RYR3: variants seen among roughly 807,000 people sequenced by gnomAD.
RYR3 encodes the protein brain ryanodine receptor-calcium release channel.
In RYR3, 207 loss-of-function variants were observed where a neutral mutation model predicts 584.3. The ratio of observed to expected loss-of-function variants is 0.35; its 90% CI spans 0.32 to 0.40. The LOEUF is 0.40. Ranked by LOEUF, RYR3 falls within the 10% of genes least tolerant of loss-of-function variation. The probability of loss-of-function intolerance (pLI) is 1.00; values close to 1 mark genes in which losing one functional copy is unlikely to be tolerated. For missense variants in RYR3, 5,616 were observed against 6,089.2 expected (o/e 0.92, Z 2.59); for synonymous variants, 2,416 against 2,248.5 (o/e 1.07, Z -2.11).
chr15:33,315,303 C>T (rs890603755), intron 1 of RYR3, among the ~76,000 whole-genome samples: 1 of 152,188 alleles, frequency 6.6e-6, no homozygotes, highest in Non-Finnish European at 1.5e-5. Context: ...CTTCTCTCTG[C>T]GGCAGGGCCC....
chr15:33,336,453 AG>A (rs1567046399), intron 1 of RYR3, among the ~76,000 whole-genome samples: 1,005 of 20,124 alleles, frequency 0.05, 216 homozygotes, highest in Non-Finnish European at 0.064. Context: ...AGAGAGAGAG[AG>A]AGAGAGAGAG....
In RYR3 at chr15:33,838,073, C is replaced by T. The variant is rs2078150241; in HGVS notation, c.12093C>T (p.Arg4031=). Reference sequence around the variant, plus strand: ...ATTACTTCGAACCCTACCTAGGACGCATCGAGATCATGGGTGGGGCCAAGA... The same window carrying T: ...ATTACTTCGAACCCTACCTAGGACGTATCGAGATCATGGGTGGGGCCAAGA... ...VLNYFEPYLG[R]IEIMGGAKKI... is the part of the protein sequence containing the mutation. Residue 4031 remains arginine, a synonymous_variant, in exon 89 of 104, where the codon CGC becomes CGT. Transcript: ENST00000634891. The T allele has an allele frequency of 6.2e-7, 1 of 1,613,850 alleles. No homozygotes were observed. Among genetic ancestry groups the T allele is most frequent in the Admixed American group, 1.7e-5 (1 of 59,986 alleles).
At chr15:33,723,069 T>C (rs1207165216) in intron 44 of RYR3, among the ~76,000 whole-genome samples, 174 bp downstream of exon 44, 1 of 152,246 alleles carries the variant, frequency 6.6e-6, no homozygotes, top group Non-Finnish European at 1.5e-5. Flanking sequence ...GTAAGGCTAG[T>C]GATCAGCATC....
intron 3 of RYR3, among the ~76,000 whole-genome samples, chr15:33,521,449 CAA>C (rs1304140300): frequency 6.6e-6 from 1 of 152,056 alleles, no homozygotes; most frequent in African/African-American, 2.4e-5. Context: ...TAGGCACTTC[CAA>C]GAGAGAGGGT....
chr15:33,810,231 G>T (rs888693282), intron 70 of RYR3, among the ~76,000 whole-genome samples: 1 of 152,202 alleles, frequency 6.6e-6, no homozygotes. Flanking sequence ...AATAGGCGTC[G>T]GTGATGTGTG....
chr15:33,346,035 G>A (rs1430944380), intron 1 of RYR3, among the ~76,000 whole-genome samples: 2 of 152,070 alleles, frequency 1.3e-5, no homozygotes, highest in Non-Finnish European at 1.5e-5. Context: ...GGCTTATACA[G>A]CATTTCATTG....
At chr15:33,732,317 C>T (rs1335961106) in intron 48 of RYR3, among the ~76,000 whole-genome samples, 1 of 147,748 alleles carries the variant, frequency 6.8e-6, no homozygotes, top group East Asian at 2.1e-4. Flanking sequence ...GAACCTGGGA[C>T]GTGGAGCTTG....
chr15:33,764,672 T>A (rs1052119226), intron 60 of RYR3, among the ~76,000 whole-genome samples: 7 of 151,984 alleles, frequency 4.6e-5, no homozygotes, highest in Admixed American at 3.3e-4. Context: ...CGTAACACTG[T>A]GAATAAACAG....
In RYR3 at chr15:33,840,897, A is replaced by G. The variant is rs776883690; in HGVS notation, c.13037+14A>G. ...CGAGAAGGCAGAGTAAGTTCTTGGT[A>G]GCATCAACTACTCTCATTGCTATGG... On this transcript the variant is annotated intron_variant, in intron 90 of 103. Transcript: ENST00000634891. The G allele has an allele frequency of 6.2e-7, 1 of 1,611,762 alleles. No individual in the cohort carries two copies. The highest frequency in any genetic ancestry group is 1.7e-5 in the Admixed American group (1 of 59,964).
intron 75 of RYR3, among the ~76,000 whole-genome samples, chr15:33,817,519 A>G (rs1437286450): frequency 3.3e-5 from 5 of 152,168 alleles, no homozygotes; most frequent in Non-Finnish European, 7.3e-5. Flanking sequence ...CTCTTTGGCC[A>G]GCCCTGTGGT....
chr15:33,686,167 A>C (rs1357254259), intron 38 of RYR3, among the ~76,000 whole-genome samples: 2 of 151,392 alleles, frequency 1.3e-5, no homozygotes, highest in Admixed American at 6.6e-5. Context: ...TTTTTTGAAA[A>C]GATAGACCGC....
At chr15:33,462,927 T>TCCTA (rs1306051058) in intron 1 of RYR3, among the ~76,000 whole-genome samples, 1 of 152,134 alleles carries the variant, frequency 6.6e-6, no homozygotes, top group Non-Finnish European at 1.5e-5. Flanking sequence ...ACACCTGTAA[T>TCCTA]CCTAGCACTT....
At chr15:33,725,417 T>A (rs1236192641) in intron 45 of RYR3, among the ~76,000 whole-genome samples, 1 of 152,012 alleles carries the variant, frequency 6.6e-6, no homozygotes, top group Non-Finnish European at 1.5e-5. Flanking sequence ...CCTATGACAT[T>A]CAGTTCCCAG....
chr15:33,647,901 G>A (rs1184661211), intron 30 of RYR3, among the ~76,000 whole-genome samples: 1 of 149,028 alleles, frequency 6.7e-6, no homozygotes, highest in East Asian at 2.0e-4. Context: ...CATCGCAGAA[G>A]ATGGAAGCTA....
intron 12 of RYR3, among the ~76,000 whole-genome samples, chr15:33,577,309 A>T (rs7178813): frequency 0.056 from 8,534 of 152,272 alleles, 362 homozygotes; most frequent in African/African-American, 0.12. Context: ...CATATAACCA[A>T]GACAATCCTG....
intron 34 of RYR3, among the ~76,000 whole-genome samples, chr15:33,661,179 C>A (rs2063138113): frequency 6.6e-6 from 1 of 152,088 alleles, no homozygotes; most frequent in East Asian, 1.9e-4. Flanking sequence ...TAAGTCAATT[C>A]TGCAGGGTCC....
intron 95 of RYR3, 43 bp downstream of exon 95, chr15:33,853,130 A>C (rs1478130901): frequency 6.7e-7 from 1 of 1,488,826 alleles, no homozygotes; most frequent in Non-Finnish European, 9.0e-7. Flanking sequence ...TCACCAAAAA[A>C]TGTGGTGTAT....
chr15:33,763,167 A>T (rs984236513), intron 60 of RYR3, among the ~76,000 whole-genome samples: 2 of 152,248 alleles, frequency 1.3e-5, no homozygotes, highest in African/African-American at 4.8e-5. Context: ...TAAAAAGCCT[A>T]GAAGAAAACC....
intron 17 of RYR3, 48 bp downstream of exon 17, chr15:33,601,600 C>A: frequency 1.2e-6 from 2 of 1,604,364 alleles, no homozygotes; most frequent in South Asian, 2.2e-5. Flanking sequence ...TTCTGCCTGT[C>A]TTGTCCCCAA....
Sources: gnomAD v4.1 joint callset for allele counts (sites outside exome capture counted in the v4.1 genomes callset) on GRCh38, gnomAD v4.1.1 for gene constraint, MANE v1.5 for transcripts, NCBI Gene and HGNC (gene_info 2026-07-23, HGNC 2026-07-21) for gene names.